Variants in GRIK1 observed in about 807,000 individuals in gnomAD.
The protein encoded by GRIK1 is glutamate receptor ionotropic, kainate 1.
In GRIK1, 69 loss-of-function variants were observed where a neutral mutation model predicts 105.7. The observed-to-expected ratio is 0.65, with a 90% CI of 0.54 to 0.80. The LOEUF is 0.80. Among genes scored for constraint, GRIK1 ranks in the 30% least tolerant of loss-of-function variants. GRIK1 has a pLI of 0.00. For synonymous variants in GRIK1, 438 were observed against 431.3 expected, an observed-to-expected ratio of 1.02 and a Z score of -0.19; for missense variants, 1,109 against 1,167.3, an observed-to-expected ratio of 0.95 and a Z score of 0.73.
chr21:29,824,164 C>T (rs1018761801), intron 1 of GRIK1, among the ~76,000 whole-genome samples: 43 of 152,006 alleles, frequency 2.8e-4, no homozygotes, highest in African/African-American at 9.6e-4. Context: ...TCTAATTATA[C>T]ACTATAAATA....
chr21:29,876,736 A>AT (rs1172785977), intron 1 of GRIK1, among the ~76,000 whole-genome samples: 1 of 152,024 alleles, frequency 6.6e-6, no homozygotes, highest in Non-Finnish European at 1.5e-5. Context: ...AGCGTGCTTT[A>AT]TTTTTTTACA....
chr21:29,848,518 G>T (rs1601844930), intron 1 of GRIK1, among the ~76,000 whole-genome samples: 1 of 151,944 alleles, frequency 6.6e-6, no homozygotes, highest in Non-Finnish European at 1.5e-5. Flanking sequence ...TCGTAACATT[G>T]TTTTTATCCA....
At chr21:29,684,291 T>TATCTATCTATC (rs2063441496) in intron 3 of GRIK1, among the ~76,000 whole-genome samples, 1 of 149,250 alleles carries the variant, frequency 6.7e-6, no homozygotes, top group Admixed American at 6.7e-5. Flanking sequence ...TCTATCTATC[T>TATCTATCTATC]ATCTATCATC....
chr21:29,926,925 T>C (rs978956297), intron 1 of GRIK1, among the ~76,000 whole-genome samples: 7 of 152,224 alleles, frequency 4.6e-5, no homozygotes, highest in African/African-American at 1.7e-4. Context: ...TAGCAAATCA[T>C]CAATCCTTCG....
At chr21:29,766,066 G>T (rs936230839) in intron 1 of GRIK1, among the ~76,000 whole-genome samples, 2 of 152,136 alleles carry the variant, frequency 1.3e-5, no homozygotes, top group East Asian at 1.9e-4. Flanking sequence ...GGCCAGGTTG[G>T]TCTCGATCTC....
chr21:29,847,402 T>C (rs537221096), intron 1 of GRIK1, among the ~76,000 whole-genome samples: 1 of 152,202 alleles, frequency 6.6e-6, no homozygotes, highest in Non-Finnish European at 1.5e-5. Context: ...GAGACCATCC[T>C]GGCCAACATG....
intron 7 of GRIK1, among the ~76,000 whole-genome samples, chr21:29,625,464 C>T (rs1193497838): frequency 6.6e-6 from 1 of 152,118 alleles, no homozygotes; most frequent in Non-Finnish European, 1.5e-5. Context: ...CTTCATTCAG[C>T]CGCCAACCAG....
intron 1 of GRIK1, among the ~76,000 whole-genome samples, chr21:29,734,205 T>C (rs2146909038): frequency 6.6e-6 from 1 of 152,142 alleles, no homozygotes; most frequent in South Asian, 2.1e-4. Flanking sequence ...TCACTACCAC[T>C]CCATCCAGGC....
chr21:29,910,734 T>C (rs918132842), intron 1 of GRIK1, among the ~76,000 whole-genome samples: 1 of 151,606 alleles, frequency 6.6e-6, no homozygotes, highest in African/African-American at 2.4e-5. Flanking sequence ...TACTGCATCC[T>C]ATACTGATTT....
chr21:29,587,754 G>A (rs1028451191), intron 11 of GRIK1, among the ~76,000 whole-genome samples, 165 bp from the exon 12 acceptor site: 1 of 151,888 alleles, frequency 6.6e-6, no homozygotes, highest in African/African-American at 2.4e-5. Context: ...ATACAGTTAT[G>A]TTTATGAAAC....
At chr21:29,825,872 G>A (rs383743) in intron 1 of GRIK1, among the ~76,000 whole-genome samples, 52,748 of 151,922 alleles carry the variant, frequency 0.35, 11,181 homozygotes, top group East Asian at 0.67. Flanking sequence ...CTGAAAAATC[G>A]TATTTGAATG....
At chr21:29,889,142 A>AT (rs1187767962) in intron 1 of GRIK1, among the ~76,000 whole-genome samples, 1 of 152,202 alleles carries the variant, frequency 6.6e-6, no homozygotes, top group Non-Finnish European at 1.5e-5. Context: ...TATACCAGAC[A>AT]TTTTTGACAA....
intron 1 of GRIK1, among the ~76,000 whole-genome samples, chr21:29,898,610 C>G (rs2070266358): frequency 6.6e-6 from 1 of 152,168 alleles, no homozygotes; most frequent in South Asian, 2.1e-4. Context: ...AAAAAGATAG[C>G]ATACCTGCTG....
chr21:29,731,228 G>A (rs995170105), intron 1 of GRIK1, among the ~76,000 whole-genome samples: 19 of 152,278 alleles, frequency 1.2e-4, no homozygotes, highest in African/African-American at 3.6e-4. Context: ...GCTTTTCTGC[G>A]AAAACTTTGG....
intron 1 of GRIK1, among the ~76,000 whole-genome samples, chr21:29,780,495 A>C (rs1369665469): frequency 6.6e-6 from 1 of 152,214 alleles, no homozygotes; most frequent in African/African-American, 2.4e-5. Context: ...AGTACCCCAG[A>C]GGTTGCTTAA....
chr21:29,620,824 TA>T (rs1359946603), intron 7 of GRIK1, among the ~76,000 whole-genome samples: 5 of 92,676 alleles, frequency 5.4e-5, no homozygotes, highest in African/African-American at 4.3e-4. Flanking sequence ...TATATAGTAA[TA>T]ATATATTATA....
chr21:29,859,294 T>C (rs1005939820), intron 1 of GRIK1, among the ~76,000 whole-genome samples: 1 of 151,642 alleles, frequency 6.6e-6, no homozygotes, highest in Non-Finnish European at 1.5e-5. Context: ...CACACCAACA[T>C]GGCACATGTA....
chr21:29,810,498 T>A (rs1273118253), intron 1 of GRIK1, among the ~76,000 whole-genome samples: 1 of 152,146 alleles, frequency 6.6e-6, no homozygotes, highest in Non-Finnish European at 1.5e-5. Flanking sequence ...TACAGTAAAG[T>A]GAAGCTCAAT....
intron 1 of GRIK1, among the ~76,000 whole-genome samples, chr21:29,782,761 A>C (rs1480760200): frequency 6.6e-6 from 1 of 152,238 alleles, no homozygotes; most frequent in East Asian, 1.9e-4. Flanking sequence ...GAATATATCT[A>C]ATTCATCTCC....
Sources: allele counts gnomAD v4.1 joint callset (sites outside exome capture counted in the v4.1 genomes callset), GRCh38; gene constraint gnomAD v4.1.1; transcripts MANE v1.5; gene names NCBI Gene and HGNC (gene_info 2026-07-23, HGNC 2026-07-21).